Variants in PPP1R12C observed in about 807,000 individuals in gnomAD.
PPP1R12C encodes the protein protein phosphatase 1 regulatory subunit 12C.
A neutral mutation model predicts 95.6 loss-of-function variants in PPP1R12C; 48 were observed. The ratio of observed to expected loss-of-function variants is 0.50; its 90% CI spans 0.40 to 0.64. The LOEUF is 0.64. Among genes scored for constraint, PPP1R12C ranks in the 30% least tolerant of loss-of-function variants. The pLI is 0.00. For synonymous variants in PPP1R12C, 480 were observed against 460.8 expected (o/e 1.04, Z -0.53); for missense variants, 1,057 against 1,083.3 (o/e 0.98, Z 0.34).
rs769761678 is a variant in PPP1R12C, at chr19:55,112,798, G to A, written c.322-3C>T. The A allele has an allele frequency of 6.2e-7, 1 of 1,612,246 alleles. No homozygotes were observed. Among genetic ancestry groups the A allele is most frequent in the South Asian group, 1.1e-5 (1 of 91,070 alleles). The stretch of plus-strand genomic sequence containing the variant: ...TCCAGGTTCTCATCAATGCAGGCCT[G>A]GGGGTGGGAAACAGCCGTCAGCCGC... On this transcript the variant is annotated splice_polypyrimidine_tract_variant and splice_region_variant and intron_variant, in intron 1 of 21. Coordinates refer to ENST00000263433, the MANE Select transcript of PPP1R12C (RefSeq NM_017607.4).
Position 55,091,546 on chromosome 19 carries a change from G to C in PPP1R12C, c.2275C>G (p.Leu759Val), listed in dbSNP as rs1254511631. The change falls in exon 22 of 22, where the codon CTC becomes GTC. Residue 759 changes from leucine to valine, a missense_variant. Physicochemically the swap from Leu to Val is conservative, Grantham distance 32. Coordinates refer to ENST00000263433, the MANE Select transcript of PPP1R12C (RefSeq NM_017607.4). Reference protein sequence around the residue: ...LEEELKALSDLRADNQRLKDE... With the variant: ...LEEELKALSDVRADNQRLKDE... Reference sequence around the variant, plus strand: ...TTGAGGCGCTGGTTGTCAGCGCGGAGGTCAGACAGGGCCTGGGGGACGGCA... The same window carrying C: ...TTGAGGCGCTGGTTGTCAGCGCGGACGTCAGACAGGGCCTGGGGGACGGCA... 4 of 1,613,656 alleles carry C rather than the reference G, an allele frequency of 2.5e-6. No homozygotes were observed. The African/African-American group carries it at 4.0e-5, about 16-fold the overall frequency.
rs780766031 is a variant in PPP1R12C, at chr19:55,094,440, G to T, written c.1593-5C>A. 1.1e-5 allele frequency: 17 copies of T among 1,613,726 alleles called. No homozygotes were observed. The highest frequency in any genetic ancestry group is 1.4e-5 in the Non-Finnish European group (17 of 1,179,968). On this transcript the variant is annotated splice_region_variant and splice_polypyrimidine_tract_variant and intron_variant, in intron 12 of 21. Transcript: ENST00000263433. The stretch of plus-strand genomic sequence containing the variant: ...CGCACAGGCATCTGGTAGGACCTGA[G>T]GGAAGGGTCCCAACCTCAGACAGGG...
chr19:55,097,441 C>T (rs1487866364), intron 6 of PPP1R12C, among the ~76,000 whole-genome samples: 1 of 143,590 alleles, frequency 7.0e-6, no homozygotes, highest in Non-Finnish European at 1.5e-5. Context: ...ACCGTCTTCG[C>T]CCCTTCTCCG....
At chr19:55,110,094 A>G (rs1243089397) in intron 3 of PPP1R12C, among the ~76,000 whole-genome samples, 1 of 152,228 alleles carries the variant, frequency 6.6e-6, no homozygotes, top group South Asian at 2.1e-4. Context: ...GGAAAATACA[A>G]CGTCAGAAAG....
rs905706074 is a variant in PPP1R12C, at chr19:55,113,326, C to T, written c.322-531G>A. On this transcript the variant is annotated intron_variant, in intron 1 of 21. Transcript: ENST00000263433. ...AGGGCTATGCAGGGTGGAGGAAGGC[C>T]ACCCTGTGCTGGGACAGACTCAGGG... 1.3e-5 allele frequency: 16 copies of T among 1,204,954 alleles called. No individual in the cohort carries two copies. The African/African-American group carries it at 2.0e-4, about 15-fold the overall frequency. The allele number at this position is 1,204,954 out of a possible 1,614,324, so 74.6% of individuals were successfully genotyped here. A position where few individuals can be genotyped will look rare whatever the true frequency, so the allele number is the denominator to read the frequency against.
At position 55,103,421 on chromosome 19, in the gene PPP1R12C, A is replaced by G. The variant is rs1023163912; in HGVS notation, c.719T>C (p.Ile240Thr). The G allele has an allele frequency of 5.2e-6, 8 of 1,535,342 alleles. No individual in the cohort carries two copies. Among genetic ancestry groups the G allele is most frequent in the Non-Finnish European group, 7.1e-6 (8 of 1,128,660 alleles). ...ALHVAAAKGY[I>T]EVMRLLLQAG... ...TGGCCCAACTCACCTCATCACCTCA[A>G]TGTAGCCCTTGGCAGCAGCCACGTG... Residue 240 changes from isoleucine to threonine, a missense_variant, in exon 4 of 22, where the codon ATT (isoleucine) becomes ACT (threonine). Physicochemically the swap from Ile to Thr is moderately conservative, Grantham distance 89. Around this residue, in one of 5 missense-constraint regions of PPP1R12C, gnomAD observed 282 missense variants for 380.4 expected, o/e 0.74. Transcript: ENST00000263433.
In PPP1R12C at chr19:55,095,958, C is replaced by G. The variant is rs535341197; in HGVS notation, c.1154-18G>C. On this transcript the variant is annotated intron_variant, in intron 8 of 21. Transcript: ENST00000263433. Reference sequence around the variant, plus strand: ...GGGTGGTTCTGTGATGTGGGAACACCGGGCAGGTCACAGAAGATGCCAGTT... The same window carrying G: ...GGGTGGTTCTGTGATGTGGGAACACGGGGCAGGTCACAGAAGATGCCAGTT... The G allele has an allele frequency of 3.1e-6, 5 of 1,611,060 alleles. No homozygotes were observed. The Admixed American group carries it at 5.0e-5, about 16-fold the overall frequency.
chr19:55,098,010 A>C (rs1448862652), intron 6 of PPP1R12C, among the ~76,000 whole-genome samples: 1 of 152,050 alleles, frequency 6.6e-6, no homozygotes, highest in East Asian at 1.9e-4. Flanking sequence ...CTTCTCCTAC[A>C]TCCATCAGCC....
rs544325940 is a variant in PPP1R12C at position 55,108,807 on chromosome 19, A to C, written c.571+3660T>G. 3.3e-5 allele frequency among the ~76,000 whole-genome samples: 5 copies of C among 152,244 alleles called. No individual in the cohort carries two copies. The South Asian group carries it at 1.0e-3, about 32-fold the overall frequency. On this transcript the variant is annotated intron_variant, in intron 3 of 21. Transcript: ENST00000263433. ...CCACAACCTCCACCTCCCAGGTTCG[A>C]GTGATTCTCCCGCCTCAGCCTCCTG...
intron 1 of PPP1R12C, 196 bp from the exon 2 acceptor site, chr19:55,112,991 A>T: frequency 1.4e-6 from 1 of 691,682 alleles, no homozygotes; most frequent in Non-Finnish European, 2.4e-6. Flanking sequence ...CCAGGCCTTC[A>T]GTGCTCAGTG....
intron 3 of PPP1R12C, among the ~76,000 whole-genome samples, chr19:55,104,567 G>GTGACTTATGCCTGTAATCCCAGTTACT (rs1452834538): frequency 1.3e-5 from 2 of 151,802 alleles, no homozygotes; most frequent in African/African-American, 4.8e-5. Flanking sequence ...GCTCAGCATG[G>GTGACTTATGCCTGTAATCCCAGTTACT]TGACTTATGC....
At position 55,112,730 on chromosome 19, in the gene PPP1R12C, C is replaced by G; in HGVS notation, c.387G>C (p.Gln129His). 1 of 1,613,918 alleles carries G rather than the reference C, an allele frequency of 6.2e-7. No individual in the cohort carries two copies. Among genetic ancestry groups the G allele is most frequent in the Admixed American group, 1.7e-5 (1 of 60,018 alleles). Residue 129 changes from glutamine (Q) to histidine (H), a missense_variant, in exon 2 of 22, where the codon CAG becomes CAC. Gln to His is a conservative substitution (Grantham distance 24). Transcript: ENST00000263433. ...FLVEQGATVN[Q>H]ADNEGWTPLH... ...GTGGCGTCCAGCCCTCGTTGTCTGC[C>G]TGGTTCACAGTGGCGCCCTGCTCCA...
chr19:55,108,079 G>A (rs1249152698), intron 3 of PPP1R12C, among the ~76,000 whole-genome samples: 2 of 151,642 alleles, frequency 1.3e-5, no homozygotes, highest in Non-Finnish European at 2.9e-5. Context: ...GGGACTATAG[G>A]TGTACATCGC....
intron 3 of PPP1R12C, among the ~76,000 whole-genome samples, chr19:55,105,905 G>A (rs997693149): frequency 6.6e-5 from 10 of 150,840 alleles, no homozygotes; most frequent in Non-Finnish European, 1.0e-4. Flanking sequence ...TCACTCCACC[G>A]CACTCCAGCC....
intron 6 of PPP1R12C, among the ~76,000 whole-genome samples, chr19:55,098,558 G>A (rs1023231670): frequency 2.6e-5 from 4 of 152,208 alleles, no homozygotes; most frequent in East Asian, 1.9e-4. Context: ...TCCTTCTGCC[G>A]CCCCCACCAC....
intron 8 of PPP1R12C, 27 bp from the exon 9 acceptor site, chr19:55,095,967 CACAGA>C (rs763889789): frequency 2.9e-5 from 46 of 1,610,110 alleles, no homozygotes; most frequent in Non-Finnish European, 3.6e-5. Context: ...CCGGGCAGGT[CACAGA>C]AGATGCCAGT....
In PPP1R12C at chr19:55,099,009, T is replaced by C; in HGVS notation, c.818A>G (p.Glu273Gly). 3 of 1,557,218 alleles carry C rather than the reference T, an allele frequency of 1.9e-6. No homozygotes were observed. Among genetic ancestry groups the C allele is most frequent in the Non-Finnish European group, 2.6e-6 (3 of 1,150,756 alleles). ...PLHAAAHWGVEDACRLLAEHG... is the reference protein window; with the variant it reads ...PLHAAAHWGVGDACRLLAEHG... Reference sequence around the variant, plus strand: ...CTCGGCCAGCAGGCGGCAGGCATCCTCCACGCCCCAGTGTGCCGCTGCGTG... The same window carrying C: ...CTCGGCCAGCAGGCGGCAGGCATCCCCCACGCCCCAGTGTGCCGCTGCGTG... Residue 273 changes from glutamate (E) to glycine (G), a missense_variant, in exon 5 of 22, where the codon GAG (glutamate) becomes GGG (glycine). Physicochemically the swap from Glu to Gly is moderately conservative, Grantham distance 98. Around this residue, in one of 5 missense-constraint regions of PPP1R12C, gnomAD observed 282 missense variants for 380.4 expected, o/e 0.74. Coordinates refer to ENST00000263433, the MANE Select transcript of PPP1R12C (RefSeq NM_017607.4).
intron 3 of PPP1R12C, among the ~76,000 whole-genome samples, chr19:55,107,271 G>C (rs2085048299): frequency 6.6e-6 from 1 of 152,106 alleles, no homozygotes; most frequent in Non-Finnish European, 1.5e-5. Context: ...AAAATTAGCT[G>C]GGCATGGTGG....
In PPP1R12C at chr19:55,092,237, C is replaced by A. The variant is rs771062896; in HGVS notation, c.2145G>T (p.Leu715=). The change falls in exon 19 of 22, where the codon CTG becomes CTT. Residue 715 remains leucine, a synonymous_variant. Coordinates refer to ENST00000263433, the MANE Select transcript of PPP1R12C (RefSeq NM_017607.4). ...GCGCCCTTACCTGCGTGGCCCGCTCCAGCTCCACCTTGAGCTGCGCCAGCC... is the reference window on the plus strand; with the variant it reads ...GCGCCCTTACCTGCGTGGCCCGCTCAAGCTCCACCTTGAGCTGCGCCAGCC... ...TLRLAQLKVE[L]ERATQRQERF... 1.3e-6 allele frequency: 2 copies of A among 1,582,240 alleles called. No homozygotes were observed. The highest frequency in any genetic ancestry group is 1.7e-6 in the Non-Finnish European group (2 of 1,166,216).
Sources: gnomAD v4.1 joint callset for allele counts (sites outside exome capture counted in the v4.1 genomes callset) on GRCh38, gnomAD v4.1.1 for gene constraint, gnomAD v4.1.1 regional missense constraint, MANE v1.5 for transcripts, NCBI Gene and HGNC (gene_info 2026-07-23, HGNC 2026-07-21) for gene names.